WDFY2: variants seen among roughly 807,000 people sequenced by gnomAD.
WDFY2 encodes WD repeat and FYVE domain-containing protein 2.
A neutral mutation model predicts 56.4 loss-of-function variants in WDFY2; 36 were observed. The ratio of observed to expected loss-of-function variants is 0.64; its 90% CI spans 0.49 to 0.84. WDFY2 has a LOEUF of 0.84. Ranked by LOEUF, WDFY2 falls within the 40% of genes least tolerant of loss-of-function variation. WDFY2 has a pLI of 0.00. For synonymous variants in WDFY2, 176 were observed against 183.7 expected (o/e 0.96, Z 0.34); for missense variants, 444 against 512.2 (o/e 0.87, Z 1.29).
chr13:51,736,608 T>A (rs1277010111), intron 6 of WDFY2, among the ~76,000 whole-genome samples: 4 of 152,202 alleles, frequency 2.6e-5, no homozygotes, highest in African/African-American at 9.7e-5. Context: ...TTCTTCTGCC[T>A]CAGCCTCCCA....
intron 3 of WDFY2, among the ~76,000 whole-genome samples, chr13:51,686,887 G>C (rs1230742320): frequency 6.6e-6 from 1 of 151,578 alleles, no homozygotes; most frequent in African/African-American, 2.4e-5. Context: ...TGAATGTCTG[G>C]TAATTGCACA....
chr13:51,734,083 A>G (rs1219091073), intron 6 of WDFY2, among the ~76,000 whole-genome samples: 3 of 152,184 alleles, frequency 2.0e-5, no homozygotes, highest in South Asian at 2.1e-4. Flanking sequence ...TGGCCTGCAC[A>G]TATTACCCTT....
intron 8 of WDFY2, among the ~76,000 whole-genome samples, chr13:51,754,649 A>C (rs1953322377): frequency 6.6e-6 from 1 of 152,158 alleles, no homozygotes; most frequent in Non-Finnish European, 1.5e-5. Context: ...TTGCATGCTC[A>C]TATCTTTTGT....
At chr13:51,713,491 G>A (rs549102076) in intron 4 of WDFY2, among the ~76,000 whole-genome samples, 2 of 152,242 alleles carry the variant, frequency 1.3e-5, no homozygotes, top group African/African-American at 4.8e-5. Context: ...TACATACAGT[G>A]GAATATTATT....
At chr13:51,757,062 C>G (rs1953408771) in intron 10 of WDFY2, among the ~76,000 whole-genome samples, 1 of 152,198 alleles carries the variant, frequency 6.6e-6, no homozygotes, top group African/African-American at 2.4e-5. Context: ...ACACAGTGCT[C>G]TGCAGCATTT....
At chr13:51,705,093 C>G (rs1031059872) in intron 4 of WDFY2, among the ~76,000 whole-genome samples, 11 of 152,304 alleles carry the variant, frequency 7.2e-5, no homozygotes, top group African/African-American at 2.6e-4. Flanking sequence ...ATGTTGTGAG[C>G]TGCCCTGTGG....
chr13:51,728,902 G>C (rs1036041863), intron 6 of WDFY2, among the ~76,000 whole-genome samples: 1 of 152,130 alleles, frequency 6.6e-6, no homozygotes, highest in Non-Finnish European at 1.5e-5. Flanking sequence ...CACCTCAGAA[G>C]TCTTAAACTT....
intron 4 of WDFY2, among the ~76,000 whole-genome samples, chr13:51,718,559 TACACACACACACACACACACAC>T (rs71192015): frequency 1.4e-5 from 2 of 138,684 alleles, no homozygotes; most frequent in African/African-American, 5.4e-5. Context: ...TTATCATTCA[TACACACACACACACACACACAC>T]ACACACACAC....
intron 1 of WDFY2, among the ~76,000 whole-genome samples, chr13:51,600,023 A>G (rs1287117770): frequency 6.6e-6 from 1 of 151,950 alleles, no homozygotes; most frequent in Non-Finnish European, 1.5e-5. Context: ...TCCCTCCCTC[A>G]TCTCCAGATA....
intron 1 of WDFY2, among the ~76,000 whole-genome samples, chr13:51,611,390 A>T (rs998696932): frequency 6.6e-5 from 10 of 152,314 alleles, no homozygotes; most frequent in South Asian, 2.1e-4. Flanking sequence ...TGATTTTTTT[A>T]AAAAAAGAAT....
Position 51,675,215 on chromosome 13 carries a change from C to G in WDFY2, c.251C>G (p.Ser84Cys). ...TTTAACCCGGAAACAAGAAGACTGTCCATAGGTCTAGACAATGGTACAATC... is the reference window on the plus strand; with the variant it reads ...TTTAACCCGGAAACAAGAAGACTGTGCATAGGTCTAGACAATGGTACAATC... ...MSFNPETRRL[S>C]IGLDNGTISE... The change falls in exon 3 of 12, where the codon TCC becomes TGC. Residue 84 changes from serine (S) to cysteine (C), a missense_variant. Coordinates refer to ENST00000298125, the MANE Select transcript of WDFY2 (RefSeq NM_052950.4). 1.2e-6 allele frequency: 2 copies of G among 1,613,824 alleles called. No homozygotes were observed. Among genetic ancestry groups the G allele is most frequent in the African/African-American group, 2.7e-5 (2 of 74,990 alleles).
At chr13:51,734,702 T>G (rs1050011644) in intron 6 of WDFY2, among the ~76,000 whole-genome samples, 5 of 152,236 alleles carry the variant, frequency 3.3e-5, no homozygotes, top group Non-Finnish European at 5.9e-5. Flanking sequence ...ATAGAAGACC[T>G]GTGCCCACTA....
At chr13:51,703,799 TAAG>T (rs1952033424) in intron 4 of WDFY2, 149 bp downstream of exon 4, 1 of 681,780 alleles carries the variant, frequency 1.5e-6, no homozygotes. Context: ...TGTTTTGAAT[TAAG>T]AAACTGAGGC....
intron 1 of WDFY2, among the ~76,000 whole-genome samples, chr13:51,621,155 A>C (rs963632387): frequency 6.6e-6 from 1 of 152,214 alleles, no homozygotes; most frequent in Non-Finnish European, 1.5e-5. Context: ...ACACAAACGC[A>C]TACTTTTAAT....
chr13:51,752,116 GA>G (rs1566232470), intron 8 of WDFY2, among the ~76,000 whole-genome samples: 1 of 152,072 alleles, frequency 6.6e-6, no homozygotes, highest in African/African-American at 2.4e-5. Flanking sequence ...AAATTACATA[GA>G]AAAGCAACAT....
At chr13:51,612,652 T>C (rs142026518) in intron 1 of WDFY2, among the ~76,000 whole-genome samples, 2 of 152,372 alleles carry the variant, frequency 1.3e-5, no homozygotes, top group East Asian at 1.9e-4. Context: ...TGCTTTGGAC[T>C]AGTTGGGAAT....
rs1440399993 is a variant in WDFY2, at chr13:51,765,549, C to G, written c.*5780C>G. The G allele has an allele frequency of 6.6e-6, 1 of 152,188 alleles. No individual in the cohort carries two copies. Among genetic ancestry groups the G allele is most frequent in the Admixed American group, 6.5e-5 (1 of 15,290 alleles). The allele number at this position is 152,188 out of a possible 1,614,324, so 9.4% of individuals were successfully genotyped here. On this transcript the variant is annotated 3_prime_UTR_variant, in exon 12 of 12. Coordinates refer to ENST00000298125, the MANE Select transcript of WDFY2 (RefSeq NM_052950.4). ...CATCATTCTTAAAGTCCCTTCCAAT[C>G]CTGTGATTCTCTGATTCCCTGAGTC...
In WDFY2 at chr13:51,736,522, T is replaced by C. The variant is rs555560908; in HGVS notation, c.599-2527T>C. Among the ~76,000 whole-genome samples, 3 of 152,352 alleles carry C rather than the reference T, an allele frequency of 2.0e-5. No homozygotes were observed. In the South Asian group the frequency reaches 6.2e-4, roughly 32 times the overall value. ...TTTTGTTTTGTTTGGAGACGGAGTCTCACTCTGTTGCCCAGGCTGGAGTGC... is the reference window on the plus strand; with the variant it reads ...TTTTGTTTTGTTTGGAGACGGAGTCCCACTCTGTTGCCCAGGCTGGAGTGC... On this transcript the variant is annotated intron_variant, in intron 6 of 11. Transcript: ENST00000298125.
intron 4 of WDFY2, among the ~76,000 whole-genome samples, chr13:51,711,227 G>C (rs1340173852): frequency 6.6e-6 from 1 of 152,170 alleles, no homozygotes. Flanking sequence ...GGGAAAACTG[G>C]CTAGCCATAT....
Sources: allele counts gnomAD v4.1 joint callset (sites outside exome capture counted in the v4.1 genomes callset), GRCh38; gene constraint gnomAD v4.1.1; transcripts MANE v1.5; gene names NCBI Gene and HGNC (gene_info 2026-07-23, HGNC 2026-07-21).